The following ZNF100 variants were observed in gnomAD, a reference collection of about 807,000 sequenced individuals.
The protein encoded by ZNF100 is zinc finger protein 100 (Y1).
In ZNF100, 12 loss-of-function variants were observed where a neutral mutation model predicts 15.8. That is an observed-to-expected ratio of 0.76 (90% confidence interval 0.49 to 1.23). The LOEUF (loss-of-function observed/expected upper bound fraction) is 1.23. ZNF100 is among the 50% of genes most tolerant of loss of function. The probability of loss-of-function intolerance (pLI) is 0.00; values close to 1 mark genes in which losing one functional copy is unlikely to be tolerated. For synonymous variants in ZNF100, 226 were observed against 214.8 expected, an observed-to-expected ratio of 1.05 and a Z score of -0.45; for missense variants, 670 against 635.6, an observed-to-expected ratio of 1.05 and a Z score of -0.58.
chr19:21,735,420 G>A (rs1450379882), intron 4 of ZNF100, among the ~76,000 whole-genome samples: 2 of 150,240 alleles, frequency 1.3e-5, no homozygotes, highest in African/African-American at 2.5e-5. Flanking sequence ...CATGAACCCC[G>A]GAGGCGGAGC....
intron 2 of ZNF100, chr19:21,752,387 G>T (rs1196873258): frequency 6.6e-6 from 1 of 152,640 alleles, no homozygotes; most frequent in African/African-American, 2.4e-5. Context: ...AAGCCACTTA[G>T]GAGCAGACTG....
intron 2 of ZNF100, chr19:21,752,863 G>A (rs1247835644): frequency 6.6e-6 from 1 of 152,180 alleles, no homozygotes; most frequent in African/African-American, 2.4e-5. Flanking sequence ...GGGTCTTGCT[G>A]TGTTGTCCAG....
At chr19:21,735,021 AG>A (rs145630152) in intron 4 of ZNF100, among the ~76,000 whole-genome samples, 1 of 152,338 alleles carries the variant, frequency 6.6e-6, no homozygotes, top group Non-Finnish European at 1.5e-5. Context: ...CATCACCACT[AG>A]GCCTGCTTTG....
Position 21,726,505 on chromosome 19 carries a change from G to T in ZNF100, c.*178C>A. ...AAGTTTGAGGTGTTTTCAAAGCACTGTCACATCTTTCTGGTTTGTAGAATT... is the reference window on the plus strand; with the variant it reads ...AAGTTTGAGGTGTTTTCAAAGCACTTTCACATCTTTCTGGTTTGTAGAATT... On this transcript the variant is annotated 3_prime_UTR_variant, in exon 5 of 5. Coordinates refer to ENST00000358296, the MANE Select transcript of ZNF100 (RefSeq NM_173531.4). 1.7e-6 allele frequency: 1 copy of T among 599,492 alleles called. No individual in the cohort carries two copies. The highest frequency in any genetic ancestry group is 2.8e-6 in the Non-Finnish European group (1 of 359,732). 37.1% of individuals were successfully genotyped at this position (599,492 alleles called of 1,614,324 possible). A position where few individuals can be genotyped will look rare whatever the true frequency, so the allele number is the denominator to read the frequency against.
rs1306743963 is a variant in ZNF100, at chr19:21,765,754, C to T, written c.36G>A (p.Lys12=). The part of the protein sequence containing the change: ...DDPRYGMCPL[K]GASGCPGAER... The stretch of plus-strand genomic sequence containing the variant: ...CAGCCCCAGGGCATCCACTTGCTCC[C>T]TTGAGAGGACACATTCCATACCTCG... Residue 12 remains lysine, a synonymous_variant, in exon 2 of 5, where the codon AAG becomes AAA. Transcript: ENST00000358296. 7 of 1,614,016 alleles carry T rather than the reference C, an allele frequency of 4.3e-6. No homozygotes were observed. Among genetic ancestry groups the T allele is most frequent in the Non-Finnish European group, 5.9e-6 (7 of 1,180,028 alleles).
intron 2 of ZNF100, among the ~76,000 whole-genome samples, chr19:21,761,847 G>A (rs1229662392): frequency 6.6e-6 from 1 of 152,154 alleles, no homozygotes; most frequent in African/African-American, 2.4e-5. Flanking sequence ...ATCTTGCTTT[G>A]CTCACATCTT....
At chr19:21,743,868 AAAAAAAG>A in intron 4 of ZNF100, 142 bp downstream of exon 4, 4 of 826,358 alleles carry the variant, frequency 4.8e-6, no homozygotes, top group Admixed American at 3.2e-5. Flanking sequence ...AAAAAAAAAA[AAAAAAAG>A]CCCAAAAAAC....
At chr19:21,733,804 A>C (rs569170965) in intron 4 of ZNF100, among the ~76,000 whole-genome samples, 60 of 152,398 alleles carry the variant, frequency 3.9e-4, no homozygotes, top group Non-Finnish European at 7.2e-4. Flanking sequence ...ATAAAGAAGT[A>C]TTCCCACTGT....
intron 2 of ZNF100, among the ~76,000 whole-genome samples, chr19:21,763,941 C>T (rs921908868): frequency 6.6e-6 from 1 of 152,244 alleles, no homozygotes; most frequent in Admixed American, 6.5e-5. Context: ...CTTGGTTATA[C>T]ATTACAAAGT....
At chr19:21,737,079 A>AC (rs1287780501) in intron 4 of ZNF100, among the ~76,000 whole-genome samples, 2 of 151,282 alleles carry the variant, frequency 1.3e-5, no homozygotes, top group Non-Finnish European at 2.9e-5. Flanking sequence ...CACAAAAAAA[A>AC]CCCTTCAAAA....
Position 21,726,881 on chromosome 19 carries a change from C to A in ZNF100, c.1431G>T (p.Met477Ile), listed in dbSNP as rs778689509. ...TGTAGGGTTTCTCTCCAGTATGAAT[C>A]ATCTTATGTGCAGTTAGTTGTGAGG... ...NRSSQLTAHK[M>I]IHTGEKPYKC... is the part of the protein sequence containing the mutation. Residue 477 changes from methionine to isoleucine, a missense_variant, in exon 5 of 5, where the codon ATG becomes ATT. Met to Ile is a conservative substitution (Grantham distance 10, BLOSUM62 1). Transcript: ENST00000358296. 7 of 1,597,122 alleles carry A rather than the reference C, an allele frequency of 4.4e-6. No individual in the cohort carries two copies. In the East Asian group the frequency reaches 1.1e-4, roughly 26 times the overall value.
Position 21,765,960 on chromosome 19 carries a change from C to G in ZNF100, c.4-174G>C, listed in dbSNP as rs540245595. On this transcript the variant is annotated intron_variant, in intron 1 of 4. Transcript: ENST00000358296. Reference sequence around the variant, plus strand: ...ATTTTTCCAAATCAAAACCTTGACCCAAAAACATTCTGATAAATCTCTGTG... The same window carrying G: ...ATTTTTCCAAATCAAAACCTTGACCGAAAAACATTCTGATAAATCTCTGTG... Among the ~76,000 whole-genome samples, 53 of 152,170 alleles carry G rather than the reference C, an allele frequency of 3.5e-4. 1 individual carries two copies. The highest frequency in any genetic ancestry group is 1.3e-3 in the African/African-American group (52 of 41,512).
chr19:21,741,506 C>G (rs1225240994), intron 4 of ZNF100, among the ~76,000 whole-genome samples: 3 of 152,108 alleles, frequency 2.0e-5, no homozygotes, highest in Non-Finnish European at 4.4e-5. Flanking sequence ...TCCCGAGTAG[C>G]TGGGATTACA....
chr19:21,727,501 T>TA lies in ZNF100; in HGVS notation c.810dup (p.Asn271Ter). 6.2e-7 allele frequency: 1 copy of TA among 1,613,620 alleles called. No individual in the cohort carries two copies. Among genetic ancestry groups the TA allele is most frequent in the East Asian group, 2.2e-5 (1 of 44,858 alleles). On this transcript the variant is annotated frameshift_variant, in exon 5 of 5. Coordinates refer to ENST00000358296, the MANE Select transcript of ZNF100 (RefSeq NM_173531.4). LOFTEE classifies it low-confidence loss of function (END_TRUNC). ...TGTGTAGTAAGGTGTGAGGACCGGTTAAATGCTTTCCCACATTCTTCACAT... is the reference window on the plus strand; with the variant it reads ...TGTGTAGTAAGGTGTGAGGACCGGTTAAAATGCTTTCCCACATTCTTCACAT...
intron 2 of ZNF100, among the ~76,000 whole-genome samples, chr19:21,765,287 T>C (rs2036540664): frequency 6.6e-6 from 1 of 152,146 alleles, no homozygotes; most frequent in South Asian, 2.1e-4. Flanking sequence ...CAGATGTGTC[T>C]GACTCATGTT....
intron 2 of ZNF100, among the ~76,000 whole-genome samples, chr19:21,759,355 T>C (rs2036442834): frequency 6.6e-6 from 1 of 152,236 alleles, no homozygotes; most frequent in Non-Finnish European, 1.5e-5. Context: ...GGTAAATAGC[T>C]GTGATTAATA....
At chr19:21,751,851 C>A in intron 2 of ZNF100, 1 of 785,394 alleles carries the variant, frequency 1.3e-6, no homozygotes. Context: ...TGTGGAGCAG[C>A]TGTAAGAAGG....
chr19:21,750,934 C>G (rs1336730357), intron 2 of ZNF100: 1 of 717,770 alleles, frequency 1.4e-6, no homozygotes, highest in African/African-American at 1.8e-5. Context: ...ACTGCGCAAC[C>G]GACATCTACG....
chr19:21,726,801 TTA>T lies in ZNF100; in HGVS notation c.1509_1510del (p.His503GlnfsTer17), dbSNP rs780630140. On this transcript the variant is annotated frameshift_variant, in exon 5 of 5. Transcript: ENST00000358296. LOFTEE classifies it low-confidence loss of function (END_TRUNC). Reference sequence around the variant, plus strand: ...AGATTTCTCTCCAGTATGAGTTATCTTATGTTTAGTAAGGGTTGAGGATCGGT... The same window carrying T: ...AGATTTCTCTCCAGTATGAGTTATCTTGTTTAGTAAGGGTTGAGGATCGGT... 6.2e-7 allele frequency: 1 copy of T among 1,613,756 alleles called. No homozygotes were observed. The highest frequency in any genetic ancestry group is 8.5e-7 in the Non-Finnish European group (1 of 1,179,856).
Sources: allele counts gnomAD v4.1 joint callset (sites outside exome capture counted in the v4.1 genomes callset), GRCh38; gene constraint gnomAD v4.1.1; transcripts MANE v1.5; gene names NCBI Gene and HGNC (gene_info 2026-07-23, HGNC 2026-07-21).